PUS7: variants seen among roughly 807,000 people sequenced by gnomAD.
PUS7 encodes the protein pseudouridine synthase 7, also known as pseudouridylate synthase 7 homolog.
In PUS7, 48 loss-of-function variants were observed where a neutral mutation model predicts 79.8. That is an observed-to-expected ratio of 0.60 (90% CI 0.48 to 0.76). The LOEUF is 0.76. Among genes scored for constraint, PUS7 ranks in the 30% least tolerant of loss-of-function variants. PUS7 has a pLI of 0.00. For missense variants in PUS7, 729 were observed against 797.6 expected (o/e 0.91, Z 1.04); for synonymous variants, 286 against 272.2 (o/e 1.05, Z -0.50).
At chr7:105,463,618 T>C (rs1823520792) in intron 13 of PUS7, among the ~76,000 whole-genome samples, 1 of 150,338 alleles carries the variant, frequency 6.7e-6, no homozygotes, top group South Asian at 2.1e-4. Context: ...AATTTACATT[T>C]ATTCCTATTA....
chr7:105,500,667 T>G lies in PUS7; in HGVS notation c.730+1753A>C, dbSNP rs1176107194. ...TAGCAGCCTTCCCAACTGGGTTCCC[T>G]GAGAGAATTAGGACCAAGTGCCCCA... On this transcript the variant is annotated intron_variant, in intron 5 of 15. Coordinates refer to ENST00000469408, the MANE Select transcript of PUS7 (RefSeq NM_019042.5). 2.6e-5 allele frequency among the ~76,000 whole-genome samples: 4 copies of G among 152,188 alleles called. No homozygotes were observed. In the East Asian group the frequency reaches 7.7e-4, roughly 29 times the overall value.
intron 8 of PUS7, among the ~76,000 whole-genome samples, chr7:105,481,762 A>T (rs1243859869): frequency 6.9e-6 from 1 of 144,898 alleles, no homozygotes; most frequent in Non-Finnish European, 1.5e-5. Context: ...TTGGAGTCTC[A>T]CTCTGTCCCC....
chr7:105,481,626 C>T (rs537643863), intron 8 of PUS7, among the ~76,000 whole-genome samples: 15 of 152,230 alleles, frequency 9.9e-5, no homozygotes, highest in African/African-American at 3.1e-4. Flanking sequence ...TAAACAGTAA[C>T]TTTCCATTAC....
chr7:105,496,234 G>T (rs1365732575), intron 5 of PUS7, among the ~76,000 whole-genome samples: 48 of 36,840 alleles, frequency 1.3e-3, no homozygotes, highest in East Asian at 0.01. Flanking sequence ...TATAGAGAGA[G>T]AGAGAGAGAG....
chr7:105,470,669 C>T lies in PUS7; in HGVS notation c.1398+19G>A. 6.5e-7 allele frequency: 1 copy of T among 1,546,654 alleles called. No homozygotes were observed. The highest frequency in any genetic ancestry group is 8.8e-7 in the Non-Finnish European group (1 of 1,141,826). On this transcript the variant is annotated intron_variant, in intron 11 of 15. Coordinates refer to ENST00000469408, the MANE Select transcript of PUS7 (RefSeq NM_019042.5). Reference sequence around the variant, plus strand: ...TAAAACGCCTTGAGCCATTGCCTGACTTCACAAATTGCACTCACTATGCCA... The same window carrying T: ...TAAAACGCCTTGAGCCATTGCCTGATTTCACAAATTGCACTCACTATGCCA...
intron 8 of PUS7, among the ~76,000 whole-genome samples, 157 bp downstream of exon 8, chr7:105,482,155 C>G (rs1824349008): frequency 6.6e-6 from 1 of 152,204 alleles, no homozygotes. Flanking sequence ...GAGGTATCTG[C>G]TCTCCCAGCC....
intron 2 of PUS7, among the ~76,000 whole-genome samples, chr7:105,507,264 T>C (rs770214161): frequency 2.6e-5 from 4 of 152,150 alleles, no homozygotes; most frequent in South Asian, 2.1e-4. Context: ...CAGGCTGGTC[T>C]CAAACTCCTG....
chr7:105,508,907 A>T lies in PUS7; in HGVS notation c.-32-363T>A, dbSNP rs545203111. 3.9e-5 allele frequency among the ~76,000 whole-genome samples: 5 copies of T among 128,626 alleles called. No individual in the cohort carries two copies. The East Asian group carries it at 1.3e-3, about 33-fold the overall frequency. 84.4% of individuals were successfully genotyped at this position (128,626 alleles called of 152,430 possible). Reference sequence around the variant, plus strand: ...AAAAAAAAAAAAAAAAAGGTCAGGCACGGTGGCTCACACCTGTAATCCCAG... The same window carrying T: ...AAAAAAAAAAAAAAAAAGGTCAGGCTCGGTGGCTCACACCTGTAATCCCAG... On this transcript the variant is annotated intron_variant, in intron 1 of 15. Coordinates refer to ENST00000469408, the MANE Select transcript of PUS7 (RefSeq NM_019042.5).
intron 1 of PUS7, among the ~76,000 whole-genome samples, chr7:105,515,910 A>C (rs968419665): frequency 6.6e-6 from 1 of 151,722 alleles, no homozygotes; most frequent in Non-Finnish European, 1.5e-5. Flanking sequence ...CCTGGGTTCA[A>C]ACGATTCTCC....
At chr7:105,472,298 C>A (rs1337624266) in intron 9 of PUS7, 105 bp from the exon 10 acceptor site, 2 of 660,714 alleles carry the variant, frequency 3.0e-6, no homozygotes, top group Non-Finnish European at 5.3e-6. Context: ...TACACCGAAG[C>A]CTTGACCTCC....
chr7:105,479,486 G>T (rs1347283043), intron 9 of PUS7, among the ~76,000 whole-genome samples: 1 of 152,158 alleles, frequency 6.6e-6, no homozygotes, highest in South Asian at 2.1e-4. Flanking sequence ...CTTCCAGCTT[G>T]TAACTACCAC....
intron 14 of PUS7, among the ~76,000 whole-genome samples, chr7:105,459,846 G>A (rs181282332): frequency 2.3e-4 from 35 of 152,280 alleles, no homozygotes; most frequent in Non-Finnish European, 4.4e-4. Context: ...GCCGAGGTGG[G>A]ATGACTAAGC....
intron 11 of PUS7, among the ~76,000 whole-genome samples, chr7:105,468,874 G>T (rs1476126624): frequency 6.6e-6 from 1 of 151,820 alleles, no homozygotes; most frequent in Non-Finnish European, 1.5e-5. Flanking sequence ...GTAGTAATAA[G>T]AAACTTCTAC....
intron 6 of PUS7, 33 bp from the exon 7 acceptor site, chr7:105,491,650 A>G (rs766459001): frequency 1.4e-5 from 17 of 1,216,782 alleles, no homozygotes; most frequent in Non-Finnish European, 1.9e-5. Flanking sequence ...ATCTGAAGTC[A>G]CATACTGTAA....
intron 5 of PUS7, among the ~76,000 whole-genome samples, chr7:105,497,272 G>A (rs951515819): frequency 9.9e-5 from 15 of 152,180 alleles, no homozygotes; most frequent in African/African-American, 3.6e-4. Context: ...ATGAGATGAA[G>A]CAAAAGGTTT....
chr7:105,502,677 A>T, intron 4 of PUS7, 113 bp from the exon 5 acceptor site: 1 of 1,148,042 alleles, frequency 8.7e-7, no homozygotes, highest in African/African-American at 1.6e-5. Flanking sequence ...AAAATAACAA[A>T]AGTGCCTGCA....
intron 7 of PUS7, among the ~76,000 whole-genome samples, chr7:105,491,130 T>C (rs1824763817): frequency 6.6e-6 from 1 of 152,206 alleles, no homozygotes; most frequent in African/African-American, 2.4e-5. Flanking sequence ...TATCTCTATT[T>C]CAGTATTTAT....
At position 105,522,164 on chromosome 7, in the gene PUS7, G is replaced by A. The variant is rs932857788; in HGVS notation, c.-145C>T. ...CTTGGATGAGCCAGCGGCTAGGGCGGCCAGGCAAAAGCAGCGCTTTCCGCG... is the reference window on the plus strand; with the variant it reads ...CTTGGATGAGCCAGCGGCTAGGGCGACCAGGCAAAAGCAGCGCTTTCCGCG... On this transcript the variant is annotated 5_prime_UTR_variant, in exon 1 of 16. Coordinates refer to ENST00000469408, the MANE Select transcript of PUS7 (RefSeq NM_019042.5). The A allele has an allele frequency of 1.3e-5, 2 of 152,100 alleles. No homozygotes were observed. The highest frequency in any genetic ancestry group is 2.9e-5 in the Non-Finnish European group (2 of 68,070). The allele number at this position is 152,100 out of a possible 1,614,324, so 9.4% of individuals were successfully genotyped here.
At position 105,508,871 on chromosome 7, in the gene PUS7, T is replaced by TA. The variant is rs34249093; in HGVS notation, c.-32-328dup. 3.1e-3 allele frequency among the ~76,000 whole-genome samples: 71 copies of TA among 22,926 alleles called. 3 individuals are homozygous for TA. Among genetic ancestry groups the TA allele is most frequent in the South Asian group, 4.8e-3 (1 of 210 alleles). 15.0% of individuals were successfully genotyped at this position (22,926 alleles called of 152,430 possible). ...TGGGCGACAGAGTGAGACATTGTCT[T>TA]AAAAAAAAAAAAAAAAAAAAAAAAA... On this transcript the variant is annotated intron_variant, in intron 1 of 15. Transcript: ENST00000469408.
Sources: allele counts gnomAD v4.1 joint callset (sites outside exome capture counted in the v4.1 genomes callset), GRCh38; gene constraint gnomAD v4.1.1; transcripts MANE v1.5; gene names NCBI Gene and HGNC (gene_info 2026-07-23, HGNC 2026-07-21).